PPP4R4: variants seen among roughly 807,000 people sequenced by gnomAD.
PPP4R4 encodes the protein protein phosphatase 4 regulatory subunit 4, also known as serine/threonine-protein phosphatase 4 regulatory subunit 4.
PPP4R4 carries 70 observed loss-of-function variants against 121.8 expected under a neutral mutation model. That is an observed-to-expected ratio of 0.57 (90% CI 0.47 to 0.70). The LOEUF is 0.70. Among genes scored for constraint, PPP4R4 ranks in the 30% least tolerant of loss-of-function variants. The probability of loss-of-function intolerance (pLI) is 0.00; values close to 1 mark genes in which losing one functional copy is unlikely to be tolerated. For synonymous variants in PPP4R4, 348 were observed against 355.7 expected (o/e 0.98, Z 0.24); for missense variants, 875 against 1,033.6 (o/e 0.85, Z 2.10).
intron 2 of PPP4R4, among the ~76,000 whole-genome samples, chr14:94,199,880 C>T (rs1381860106): frequency 6.6e-6 from 1 of 152,108 alleles, no homozygotes; most frequent in Non-Finnish European, 1.5e-5. Context: ...CAGCCACTTG[C>T]GTCTCTGCCT....
At chr14:94,246,670 C>T (rs987361935) in intron 14 of PPP4R4, 131 bp downstream of exon 14, 41 of 1,006,842 alleles carry the variant, frequency 4.1e-5, no homozygotes, top group Non-Finnish European at 5.1e-5. Flanking sequence ...ATGTCAGCTT[C>T]GTAGGTCCAG....
chr14:94,194,991 A>AT (rs1326635348), intron 2 of PPP4R4, among the ~76,000 whole-genome samples: 9 of 151,900 alleles, frequency 5.9e-5, no homozygotes, highest in Admixed American at 2.0e-4. Context: ...CATCTCTGCT[A>AT]TTTTTTTTCC....
chr14:94,240,557 T>C, intron 8 of PPP4R4, 116 bp from the exon 9 acceptor site: 1 of 1,142,866 alleles, frequency 8.7e-7, no homozygotes. Context: ...TATTTTCTAT[T>C]ACTATGAGGC....
At chr14:94,244,126 G>C (rs1892770891) in intron 11 of PPP4R4, among the ~76,000 whole-genome samples, 1 of 152,036 alleles carries the variant, frequency 6.6e-6, no homozygotes, top group Non-Finnish European at 1.5e-5. Flanking sequence ...GTATTATTCT[G>C]GACTCTCCCA....
chr14:94,226,312 T>C (rs565651918), intron 3 of PPP4R4, among the ~76,000 whole-genome samples: 15 of 152,300 alleles, frequency 9.8e-5, no homozygotes, highest in African/African-American at 3.4e-4. Flanking sequence ...CTTAAGGATA[T>C]TTTTATGTGT....
intron 2 of PPP4R4, among the ~76,000 whole-genome samples, chr14:94,199,286 C>T (rs186505975): frequency 9.2e-5 from 14 of 152,356 alleles, no homozygotes; most frequent in African/African-American, 3.4e-4. Context: ...GCTCGCAGGG[C>T]GTGCAGTGGG....
intron 3 of PPP4R4, among the ~76,000 whole-genome samples, chr14:94,212,901 C>T (rs528535495): frequency 1.3e-5 from 2 of 152,154 alleles, no homozygotes; most frequent in Non-Finnish European, 2.9e-5. Context: ...CTCTACTTAT[C>T]GAGGTATTAA....
At chr14:94,185,427 C>T (rs936586450) in intron 2 of PPP4R4, among the ~76,000 whole-genome samples, 6 of 152,058 alleles carry the variant, frequency 3.9e-5, no homozygotes, top group South Asian at 2.1e-4. Flanking sequence ...GGATCGCTTG[C>T]GCTCAGGAGT....
At position 94,278,773 on chromosome 14, in the gene PPP4R4, C is replaced by A; in HGVS notation, c.*130C>A. ...TTTTTTTTTTGTTGTTGTTAATGAG[C>A]AGAAAGAGAGACATAATGACAGCTG... On this transcript the variant is annotated 3_prime_UTR_variant, in exon 25 of 25. Coordinates refer to ENST00000304338, the MANE Select transcript of PPP4R4 (RefSeq NM_058237.2). 3 of 821,600 alleles carry A rather than the reference C, an allele frequency of 3.7e-6. No individual in the cohort carries two copies. Among genetic ancestry groups the A allele is most frequent in the Non-Finnish European group, 5.3e-6 (3 of 571,190 alleles). The allele number at this position is 821,600 out of a possible 1,614,324, so 50.9% of individuals were successfully genotyped here. A position where few individuals can be genotyped will look rare whatever the true frequency, so the allele number is the denominator to read the frequency against.
chr14:94,174,473 C>T lies in PPP4R4; in HGVS notation c.8C>T (p.Pro3Leu), dbSNP rs1888545740. 1.9e-6 allele frequency: 3 copies of T among 1,602,826 alleles called. No individual in the cohort carries two copies. The South Asian group carries it at 3.3e-5, about 18-fold the overall frequency. The change falls in exon 1 of 25, where the codon CCG (proline) becomes CTG (leucine). Residue 3 changes from proline to leucine, a missense_variant. Transcript: ENST00000304338. ...GAGAGTGCCCGGCGGTCCATGCATC[C>T]GCCGCCGCCCGCCGCCGCGATGGAT... MH[P>L]PPPAAAMDFS...
chr14:94,276,044 C>A (rs1318017414), intron 24 of PPP4R4, among the ~76,000 whole-genome samples: 1 of 145,476 alleles, frequency 6.9e-6, no homozygotes, highest in Non-Finnish European at 1.5e-5. Flanking sequence ...TTTTAATGTG[C>A]TGTTTGTATC....
intron 2 of PPP4R4, among the ~76,000 whole-genome samples, chr14:94,190,160 G>A (rs536958700): frequency 1.3e-5 from 2 of 151,810 alleles, no homozygotes; most frequent in Admixed American, 6.6e-5. Context: ...ATTACAGGCA[G>A]TGTGCCACCA....
intron 14 of PPP4R4, among the ~76,000 whole-genome samples, chr14:94,246,810 G>A (rs1892919101): frequency 1.3e-5 from 2 of 152,146 alleles, no homozygotes; most frequent in South Asian, 4.1e-4. Context: ...CAAGAACAGA[G>A]TAGACTCACT....
chr14:94,231,281 T>C lies in PPP4R4; in HGVS notation c.482T>C (p.Ile161Thr), dbSNP rs779695938. ...TGGCTGGAAACTCTTCTGTCTGTTA[T>C]AGAAGTATTGCCAAAAGAAACCCTA... ...NAWLETLLSV[I>T]EVLPKETLRH... Residue 161 changes from isoleucine (I) to threonine (T), a missense_variant, in exon 5 of 25, where the codon ATA becomes ACA. Physicochemically the swap from Ile to Thr is moderately conservative, Grantham distance 89. Transcript: ENST00000304338. 51 of 1,612,504 alleles carry C rather than the reference T, an allele frequency of 3.2e-5. No individual in the cohort carries two copies. The Admixed American group carries it at 6.8e-4, about 22-fold the overall frequency.
chr14:94,238,802 A>G (rs1425725929), intron 8 of PPP4R4, among the ~76,000 whole-genome samples: 3 of 152,224 alleles, frequency 2.0e-5, no homozygotes, highest in Non-Finnish European at 2.9e-5. Context: ...CTTAAAGATT[A>G]TTGCAATATG....
intron 2 of PPP4R4, among the ~76,000 whole-genome samples, chr14:94,183,290 A>G (rs1043689373): frequency 1.3e-5 from 2 of 152,174 alleles, no homozygotes; most frequent in African/African-American, 4.8e-5. Context: ...ATCCTCTGTG[A>G]AGATGATGTA....
intron 2 of PPP4R4, among the ~76,000 whole-genome samples, chr14:94,178,495 A>G (rs772151533): frequency 3.8e-4 from 57 of 151,654 alleles, no homozygotes; most frequent in Non-Finnish European, 7.4e-4. Flanking sequence ...AATGCTTTAT[A>G]TTAGTGGGGT....
chr14:94,274,174 T>C (rs1311429140), intron 23 of PPP4R4, among the ~76,000 whole-genome samples: 1 of 152,148 alleles, frequency 6.6e-6, no homozygotes, highest in African/African-American at 2.4e-5. Context: ...AAATGTATTA[T>C]AAACCTAAGC....
chr14:94,262,555 C>T (rs769960158), intron 19 of PPP4R4, among the ~76,000 whole-genome samples: 1 of 151,996 alleles, frequency 6.6e-6, no homozygotes, highest in African/African-American at 2.4e-5. Context: ...ACCTCCTCCA[C>T]ACCCATTCTT....
Sources: allele counts gnomAD v4.1 joint callset (sites outside exome capture counted in the v4.1 genomes callset), GRCh38; gene constraint gnomAD v4.1.1; transcripts MANE v1.5; gene names NCBI Gene and HGNC (gene_info 2026-07-23, HGNC 2026-07-21).